The following LAMC3 variants were observed in gnomAD, a reference collection of about 807,000 sequenced individuals.
The protein encoded by LAMC3 is laminin subunit gamma-3.
In LAMC3, 128 loss-of-function variants were observed where a neutral mutation model predicts 173.8. The observed-to-expected ratio is 0.74, with a 90% confidence interval of 0.64 to 0.85. The LOEUF (loss-of-function observed/expected upper bound fraction) is 0.85, where lower values mean the gene tolerates loss of function less well. Among genes scored for constraint, LAMC3 ranks in the 40% least tolerant of loss-of-function variants. The pLI is 0.00. For synonymous variants in LAMC3, 897 were observed against 909.1 expected, an observed-to-expected ratio of 0.99 and a Z score of 0.24; for missense variants, 2,022 against 2,156.0, an observed-to-expected ratio of 0.94 and a Z score of 1.23.
chr9:131,085,839 G>C, intron 25 of LAMC3, 116 bp downstream of exon 25: 1 of 1,005,234 alleles, frequency 9.9e-7, no homozygotes, highest in Non-Finnish European at 1.5e-6. Flanking sequence ...CTGCTCAGTG[G>C]GCCCAGGCAA....
chr9:131,039,332 C>T, intron 6 of LAMC3, 84 bp downstream of exon 6: 1 of 1,096,802 alleles, frequency 9.1e-7, no homozygotes. Flanking sequence ...AGTCCCTCCC[C>T]TCCCCATCCC....
rs760662661 is a variant in LAMC3, at chr9:131,079,245, A to C, written c.3874A>C (p.Thr1292Pro). 8.7e-6 allele frequency: 14 copies of C among 1,614,126 alleles called. No individual in the cohort carries two copies. In the Admixed American group the frequency reaches 1.3e-4, roughly 15 times the overall value. Residue 1292 changes from threonine to proline, a missense_variant, in exon 23 of 28, where the codon ACC (threonine) becomes CCC (proline). Physicochemically the swap from Thr to Pro is conservative, Grantham distance 38. Transcript: ENST00000361069. ...GCACATGGCCACTGAGGCTGCCCGA[A>C]CCCTCCAGACTGCTGCCCAGGCGAC... ...WQHMATEAARTLQTAAQATLR... is the reference protein window; with the variant it reads ...WQHMATEAARPLQTAAQATLR...
At chr9:131,072,605 C>T (rs1042676051) in intron 18 of LAMC3, 25 bp from the exon 19 acceptor site, 2 of 1,590,368 alleles carry the variant, frequency 1.3e-6, no homozygotes, top group African/African-American at 2.7e-5. Flanking sequence ...CACTTTGTGA[C>T]CCCTGGGCTG....
rs139333395 is a variant in LAMC3 at position 131,045,528 on chromosome 9, C to A, written c.1387C>A (p.Arg463Ser). Residue 463 changes from arginine to serine, a missense_variant, in exon 8 of 28, where the codon CGC (arginine) becomes AGC (serine). Arg to Ser is a moderately radical substitution (Grantham distance 110). Transcript: ENST00000361069. ...NVEGNLCDRC[R>S]PGTFNLQPHN... Reference sequence around the variant, plus strand: ...CATGTCCTGCCTCCATTTCAGATGTCGCCCGGGGACCTTTAACCTGCAGCC... The same window carrying A: ...CATGTCCTGCCTCCATTTCAGATGTAGCCCGGGGACCTTTAACCTGCAGCC... 6 of 1,613,566 alleles carry A rather than the reference C, an allele frequency of 3.7e-6. No individual in the cohort carries two copies. The highest frequency in any genetic ancestry group is 5.1e-6 in the Non-Finnish European group (6 of 1,180,040).
chr9:131,032,557 GCTCT>G (rs58169839), intron 3 of LAMC3, among the ~76,000 whole-genome samples: 2 of 132,104 alleles, frequency 1.5e-5, no homozygotes, highest in African/African-American at 2.9e-5. Context: ...GCTCTCTCTC[GCTCT>G]CTCTCTTGCT....
intron 6 of LAMC3, among the ~76,000 whole-genome samples, chr9:131,041,367 A>C (rs897190842): frequency 4.0e-5 from 1 of 24,740 alleles, no homozygotes; most frequent in South Asian, 1.9e-3. Context: ...ACTCTGTCCC[A>C]AAAAAAAAGA....
chr9:131,078,798 G>T (rs1830179312), intron 22 of LAMC3, among the ~76,000 whole-genome samples: 1 of 152,226 alleles, frequency 6.6e-6, no homozygotes, highest in African/African-American at 2.4e-5. Context: ...TTGCAGTGGG[G>T]CAGTGTGGGT....
At chr9:131,081,480 TCTC>T (rs1830240768) in intron 23 of LAMC3, among the ~76,000 whole-genome samples, 1 of 118,288 alleles carries the variant, frequency 8.5e-6, no homozygotes, top group Non-Finnish European at 1.7e-5. Context: ...CCTTTCTTTC[TCTC>T]TCTTTTTTAG....
In LAMC3 at chr9:131,038,886, C is replaced by G. The variant is rs777117087; in HGVS notation, c.999C>G (p.Ser333=). The change falls in exon 5 of 28, where the codon TCC becomes TCG. Residue 333 remains serine (S), a synonymous_variant. Coordinates refer to ENST00000361069, the MANE Select transcript of LAMC3 (RefSeq NM_006059.4). ...TAGCCTGCAACTGCAGTGGCCGCTC[C>G]GAGGAATGCACGTTTGATCGGGAGC... ...ECLPCNCSGR[S]EECTFDRELF... The G allele has an allele frequency of 6.2e-7, 1 of 1,613,216 alleles. No individual in the cohort carries two copies. Among genetic ancestry groups the G allele is most frequent in the East Asian group, 2.2e-5 (1 of 44,868 alleles).
chr9:131,031,372 G>A (rs75156561), intron 2 of LAMC3, among the ~76,000 whole-genome samples: 2,936 of 152,262 alleles, frequency 0.019, 89 homozygotes, highest in African/African-American at 0.066. Flanking sequence ...GGTATTTATC[G>A]AGTGCCTGCT....
At chr9:131,076,108 C>T (rs1821543552) in intron 21 of LAMC3, 143 bp downstream of exon 21, 1 of 872,424 alleles carries the variant, frequency 1.1e-6, no homozygotes, top group Non-Finnish European at 1.7e-6. Flanking sequence ...CTGCATCCTC[C>T]TCGGAGTGGG....
chr9:131,035,441 C>T (rs949116783), intron 3 of LAMC3, among the ~76,000 whole-genome samples: 5 of 148,340 alleles, frequency 3.4e-5, no homozygotes, highest in Admixed American at 2.0e-4. Context: ...GTGGGGCTGA[C>T]GGGTGGGTGC....
intron 18 of LAMC3, 46 bp downstream of exon 18, chr9:131,071,671 C>T (rs1830039088): frequency 8.0e-6 from 12 of 1,502,092 alleles, no homozygotes; most frequent in Non-Finnish European, 1.1e-5. Context: ...AAGGGGAGGC[C>T]CCCAGCGCCT....
Position 131,063,098 on chromosome 9 carries a change from A to G in LAMC3, c.2347+1875A>G, listed in dbSNP as rs115492818. Among the ~76,000 whole-genome samples, 1,360 of 152,276 alleles carry G rather than the reference A, an allele frequency of 8.9e-3. 23 individuals carry two copies. Among genetic ancestry groups the G allele is most frequent in the African/African-American group, 0.031 (1,278 of 41,548 alleles). On this transcript the variant is annotated intron_variant, in intron 13 of 27. Coordinates refer to ENST00000361069, the MANE Select transcript of LAMC3 (RefSeq NM_006059.4). ...CTTTTGGTACGTGTGGCTGCATTAA[A>G]TCAATTTGTCAAATGCCATGTGCTT...
At chr9:131,082,346 G>A (rs566457530) in intron 24 of LAMC3, among the ~76,000 whole-genome samples, 185 bp downstream of exon 24, 11 of 152,238 alleles carry the variant, frequency 7.2e-5, no homozygotes, top group East Asian at 1.9e-4. Flanking sequence ...CACTCACCTC[G>A]GACTTGCCCA....
intron 20 of LAMC3, among the ~76,000 whole-genome samples, chr9:131,075,261 C>G (rs1830103706): frequency 6.6e-6 from 1 of 151,386 alleles, no homozygotes; most frequent in Admixed American, 6.6e-5. Flanking sequence ...GTGTAAGACT[C>G]CATCTCTTAA....
chr9:131,073,455 C>T, intron 20 of LAMC3, 134 bp downstream of exon 20: 1 of 733,914 alleles, frequency 1.4e-6, no homozygotes, highest in Non-Finnish European at 2.4e-6. Context: ...GAGGCAGTGT[C>T]ACCAGCATGG....
rs1403743266 is a variant in LAMC3 at position 131,091,429 on chromosome 9, A to C, written c.4478-108A>C. 4.2e-6 allele frequency: 6 copies of C among 1,427,774 alleles called. No individual in the cohort carries two copies. In the Admixed American group the frequency reaches 9.9e-5, roughly 23 times the overall value. The allele number at this position is 1,427,774 out of a possible 1,614,324, so 88.4% of individuals were successfully genotyped here. On this transcript the variant is annotated intron_variant, in intron 27 of 27. Transcript: ENST00000361069. The stretch of plus-strand genomic sequence containing the variant: ...ATCTTTCCCTGGTGGATGGTGGGCC[A>C]TTGGAATCCTGGGAGGCCTGAGCTG...
At chr9:131,066,883 G>T in intron 13 of LAMC3, 77 bp from the exon 14 acceptor site, 1 of 1,578,362 alleles carries the variant, frequency 6.3e-7, no homozygotes, top group South Asian at 1.1e-5. Flanking sequence ...AGGGACGCTT[G>T]CTCTGCTTCA....
Sources: gnomAD v4.1 joint callset for allele counts (sites outside exome capture counted in the v4.1 genomes callset) on GRCh38, gnomAD v4.1.1 for gene constraint, MANE v1.5 for transcripts, NCBI Gene and HGNC (gene_info 2026-07-23, HGNC 2026-07-21) for gene names.